FAT1: variants seen among roughly 807,000 people sequenced by gnomAD.
FAT1 encodes protocadherin Fat 1.
A neutral mutation model predicts 329.8 loss-of-function variants in FAT1; 171 were observed. The ratio of observed to expected loss-of-function variants is 0.52; its 90% confidence interval spans 0.46 to 0.59. The LOEUF (loss-of-function observed/expected upper bound fraction) is 0.59. FAT1 is among the 20% of genes least tolerant of loss of function. The pLI, the probability that FAT1 is intolerant of heterozygous loss-of-function variation, is 0.00. For missense variants in FAT1, 5,672 were observed against 5,774.4 expected (o/e 0.98, Z 0.57); for synonymous variants, 2,233 against 2,228.6 (o/e 1.00, Z -0.06).
rs2126346866 is a variant in FAT1 at position 186,588,618 on chromosome 4, C to T, written c.13741G>A (p.Asp4581Asn). ...CAGACTTCCGTGTGCTGCTGGGAATCCAGGGGCGGGATCGTCACCTCTTCG... is the reference window on the plus strand; with the variant it reads ...CAGACTTCCGTGTGCTGCTGGGAATTCAGGGGCGGGATCGTCACCTCTTCG... Reference protein sequence around the residue: ...HFEEVTIPPLDSQQHTEV With the variant: ...HFEEVTIPPLNSQQHTEV The change falls in exon 27 of 27, where the codon GAT becomes AAT. Residue 4581 changes from aspartate (D) to asparagine (N), a missense_variant. Transcript: ENST00000441802. 6.2e-7 allele frequency: 1 copy of T among 1,612,686 alleles called. No individual in the cohort carries two copies. Among genetic ancestry groups the T allele is most frequent in the Non-Finnish European group, 8.5e-7 (1 of 1,179,260 alleles).
At chr4:186,663,875 A>G (rs1404435379) in intron 2 of FAT1, among the ~76,000 whole-genome samples, 2 of 152,226 alleles carry the variant, frequency 1.3e-5, no homozygotes, top group Non-Finnish European at 2.9e-5. Flanking sequence ...TGTTATTAGA[A>G]TCAGGTGTCA....
intron 2 of FAT1, among the ~76,000 whole-genome samples, chr4:186,680,752 G>A (rs779556192): frequency 6.6e-6 from 1 of 152,180 alleles, no homozygotes; most frequent in African/African-American, 2.4e-5. Flanking sequence ...CAAGTTACTA[G>A]GTTGCAGAGC....
At chr4:186,700,083 G>C (rs1744230932) in intron 2 of FAT1, among the ~76,000 whole-genome samples, 1 of 152,158 alleles carries the variant, frequency 6.6e-6, no homozygotes, top group Non-Finnish European at 1.5e-5. Context: ...AGATGGCCAA[G>C]AGGACAGCTG....
In FAT1 at chr4:186,680,006, T is replaced by C. The variant is rs866290924; in HGVS notation, c.3266-16393A>G. ...AAACTAACCTGTTTACTGCTAACTGTACCCATTAATAGAAGACCATGAGTG... is the reference window on the plus strand; with the variant it reads ...AAACTAACCTGTTTACTGCTAACTGCACCCATTAATAGAAGACCATGAGTG... On this transcript the variant is annotated intron_variant, in intron 2 of 26. Coordinates refer to ENST00000441802, the MANE Select transcript of FAT1 (RefSeq NM_005245.4). 8.6e-4 allele frequency among the ~76,000 whole-genome samples: 131 copies of C among 152,344 alleles called. 1 individual carries two copies. The highest frequency in any genetic ancestry group is 1.8e-3 in the African/African-American group (73 of 41,576).
chr4:186,597,319 T>A (rs1738580396), intron 24 of FAT1, 148 bp from the exon 25 acceptor site: 2 of 849,322 alleles, frequency 2.4e-6, no homozygotes, highest in Non-Finnish European at 3.5e-6. Context: ...AAATGTAACG[T>A]CGACAACCAC....
intron 2 of FAT1, among the ~76,000 whole-genome samples, chr4:186,666,760 T>C (rs1742456155): frequency 1.3e-5 from 2 of 152,228 alleles, no homozygotes; most frequent in African/African-American, 4.8e-5. Context: ...CTTACATGCA[T>C]TATCTTATAT....
intron 11 of FAT1, among the ~76,000 whole-genome samples, chr4:186,616,141 C>T (rs1190054673): frequency 6.6e-6 from 1 of 152,130 alleles, no homozygotes; most frequent in Non-Finnish European, 1.5e-5. Flanking sequence ...CTTGCATCCA[C>T]TCCTCCCTGT....
chr4:186,594,209 G>A (rs898711339), intron 26 of FAT1, among the ~76,000 whole-genome samples: 3 of 151,940 alleles, frequency 2.0e-5, no homozygotes, highest in Non-Finnish European at 2.9e-5. Context: ...GGGAGTACAG[G>A]TGCCCACCAC....
rs1029810999 is a variant in FAT1 at position 186,618,460 on chromosome 4, G to A, written c.8126C>T (p.Thr2709Ile). ...QLPKFSEPFY[T>I]FTVSEDVPIG... is the part of the protein sequence containing the mutation. Reference sequence around the variant, plus strand: ...AGGCACGTCCTCTGACACTGTAAAGGTATAGAAAGGTTCTGAAAATTTTGG... The same window carrying A: ...AGGCACGTCCTCTGACACTGTAAAGATATAGAAAGGTTCTGAAAATTTTGG... The change falls in exon 10 of 27, where the codon ACC becomes ATC. Residue 2709 changes from threonine (T) to isoleucine (I), a missense_variant. Transcript: ENST00000441802. 5.0e-6 allele frequency: 8 copies of A among 1,614,026 alleles called. No homozygotes were observed. Among genetic ancestry groups the A allele is most frequent in the African/African-American group, 4.0e-5 (3 of 75,048 alleles).
At chr4:186,636,524 T>C (rs1456413202) in intron 5 of FAT1, 61 bp downstream of exon 5, 22 of 1,474,392 alleles carry the variant, frequency 1.5e-5, no homozygotes, top group Middle Eastern at 1.8e-4. Flanking sequence ...AAAGAAAAAA[T>C]ACAAAATAAG....
rs1439393970 is a variant in FAT1 at position 186,597,891 on chromosome 4, G to A, written c.12257+81C>T. The A allele has an allele frequency of 1.9e-6, 3 of 1,564,098 alleles. No individual in the cohort carries two copies. The African/African-American group carries it at 4.1e-5, about 21-fold the overall frequency. ...ACAGAACACATTAGCAAATTAACGT[G>A]CAGACTTTTTACATGTACCATTATA... On this transcript the variant is annotated intron_variant, in intron 23 of 26. Coordinates refer to ENST00000441802, the MANE Select transcript of FAT1 (RefSeq NM_005245.4).
intron 2 of FAT1, among the ~76,000 whole-genome samples, chr4:186,665,612 T>C (rs1034401594): frequency 2.6e-5 from 4 of 152,238 alleles, no homozygotes; most frequent in African/African-American, 7.2e-5. Context: ...GATGAGTAGA[T>C]GGCAAAAATT....
chr4:186,592,740 G>T (rs1738306377), intron 26 of FAT1: 1 of 456,556 alleles, frequency 2.2e-6, no homozygotes, highest in Admixed American at 2.3e-5. Context: ...GTGCATTACG[G>T]TCACTATGGA....
At chr4:186,687,160 A>T (rs775682183) in intron 2 of FAT1, among the ~76,000 whole-genome samples, 1 of 152,196 alleles carries the variant, frequency 6.6e-6, no homozygotes, top group Non-Finnish European at 1.5e-5. Context: ...GATCCCAAAA[A>T]GTTGGGTTAT....
chr4:186,589,915 T>C (rs1381515487), intron 26 of FAT1, among the ~76,000 whole-genome samples: 1 of 152,146 alleles, frequency 6.6e-6, no homozygotes, highest in Non-Finnish European at 1.5e-5. Flanking sequence ...ATGTAGCAAG[T>C]TTAATATTAA....
At position 186,706,786 on chromosome 4, in the gene FAT1, A is replaced by T. The variant is rs548860085; in HGVS notation, c.3042T>A (p.Ser1014=). 6.2e-6 allele frequency: 10 copies of T among 1,614,054 alleles called. No homozygotes were observed. In the African/African-American group the frequency reaches 1.1e-4, roughly 17 times the overall value. ...CCACCTCAACTTCAACATAGCAAGT[A>T]GAAGACAGAGAAACTGGCTTTCCCT... ...KDKGKPVSLS[S]TCYVEVEVVD... The change falls in exon 2 of 27, where the codon TCT becomes TCA. Residue 1014 remains serine, a synonymous_variant. Coordinates refer to ENST00000441802, the MANE Select transcript of FAT1 (RefSeq NM_005245.4).
At chr4:186,673,432 G>A (rs909795355) in intron 2 of FAT1, among the ~76,000 whole-genome samples, 1 of 152,044 alleles carries the variant, frequency 6.6e-6, no homozygotes, top group East Asian at 1.9e-4. Flanking sequence ...TGGATATTCT[G>A]GCAGCTTCGA....
intron 2 of FAT1, among the ~76,000 whole-genome samples, chr4:186,681,239 T>A (rs566826171): frequency 6.6e-6 from 1 of 152,330 alleles, no homozygotes; most frequent in Non-Finnish European, 1.5e-5. Flanking sequence ...CCTCTCTATA[T>A]TTACTATTTA....
intron 2 of FAT1, among the ~76,000 whole-genome samples, chr4:186,671,419 C>T (rs557114690): frequency 2.0e-5 from 3 of 152,018 alleles, no homozygotes; most frequent in Non-Finnish European, 4.4e-5. Flanking sequence ...ATAACTGGGC[C>T]GGGCATGGTG....
Sources: allele counts gnomAD v4.1 joint callset (sites outside exome capture counted in the v4.1 genomes callset), GRCh38; gene constraint gnomAD v4.1.1; transcripts MANE v1.5; gene names NCBI Gene and HGNC (gene_info 2026-07-23, HGNC 2026-07-21).